ANGPT2: variants seen among roughly 807,000 people sequenced by gnomAD.
The protein encoded by ANGPT2 is angiopoietin 2.
In ANGPT2, 28 loss-of-function variants were observed where a neutral mutation model predicts 62.9. That is an observed-to-expected ratio of 0.44 (90% confidence interval 0.33 to 0.61). The LOEUF (loss-of-function observed/expected upper bound fraction) is 0.61, where lower values mean the gene tolerates loss of function less well. Among genes scored for constraint, ANGPT2 ranks in the 20% least tolerant of loss-of-function variants. ANGPT2 has a pLI of 0.03. For missense variants in ANGPT2, 727 were observed against 594.9 expected (o/e 1.22, Z -2.31); for synonymous variants, 284 against 207.8 (o/e 1.37, Z -3.15).
chr8:6,558,279 A>T (rs1437706671), intron 1 of ANGPT2, among the ~76,000 whole-genome samples: 4 of 152,254 alleles, frequency 2.6e-5, no homozygotes, highest in Non-Finnish European at 5.9e-5. Flanking sequence ...AAGACTGGGG[A>T]AAGAGAATCT....
chr8:6,537,669 G>A (rs1432892847), intron 1 of ANGPT2, among the ~76,000 whole-genome samples: 2 of 151,964 alleles, frequency 1.3e-5, no homozygotes, highest in African/African-American at 2.4e-5. Context: ...AGGTCCATTT[G>A]TGAGGCAACT....
intron 7 of ANGPT2, 96 bp downstream of exon 7, chr8:6,513,582 C>T (rs1242424951): frequency 7.7e-5 from 73 of 943,748 alleles, no homozygotes; most frequent in Non-Finnish European, 4.6e-6. Flanking sequence ...ATCTGCCCAC[C>T]TCGGCCTCCC....
At position 6,514,812 on chromosome 8, in the gene ANGPT2, GC is replaced by G. The variant is rs762403526; in HGVS notation, c.928-35del. 5.1e-6 allele frequency: 8 copies of G among 1,576,794 alleles called. No homozygotes were observed. The African/African-American group carries it at 5.4e-5, about 11-fold the overall frequency. On this transcript the variant is annotated intron_variant, in intron 5 of 8. Coordinates refer to ENST00000629816, the MANE Select transcript of ANGPT2 (RefSeq NM_001118887.2). Reference sequence around the variant, plus strand: ...AGGAATGCAGGGTATAAGTGACAGAGCCCCCCCACTCCCCCCTTACGTAGCA... The same window carrying G: ...AGGAATGCAGGGTATAAGTGACAGAGCCCCCCACTCCCCCCTTACGTAGCA...
chr8:6,536,217 G>A (rs1226519608), intron 1 of ANGPT2, among the ~76,000 whole-genome samples: 1 of 152,132 alleles, frequency 6.6e-6, no homozygotes, highest in East Asian at 1.9e-4. Context: ...ACTAGCGACA[G>A]GAACAGCCAC....
At chr8:6,530,172 C>T (rs1271039497) in intron 2 of ANGPT2, among the ~76,000 whole-genome samples, 1 of 152,022 alleles carries the variant, frequency 6.6e-6, no homozygotes, top group Non-Finnish European at 1.5e-5. Context: ...GTGACTTAAT[C>T]ATTACTAATT....
At chr8:6,509,353 A>G (rs1219092058) in intron 7 of ANGPT2, among the ~76,000 whole-genome samples, 3 of 152,224 alleles carry the variant, frequency 2.0e-5, no homozygotes, top group African/African-American at 7.2e-5. Flanking sequence ...GCTTTCAGAT[A>G]AACAGAAGAG....
intron 2 of ANGPT2, among the ~76,000 whole-genome samples, chr8:6,529,323 C>T (rs953480367): frequency 1.3e-5 from 2 of 152,154 alleles, no homozygotes; most frequent in Non-Finnish European, 2.9e-5. Context: ...AATCTTGCTT[C>T]TAATCAGAAA....
At chr8:6,543,249 C>T (rs900303564) in intron 1 of ANGPT2, among the ~76,000 whole-genome samples, 4 of 152,286 alleles carry the variant, frequency 2.6e-5, no homozygotes, top group East Asian at 3.9e-4. Flanking sequence ...GAAGACTCAG[C>T]GGGAACACAA....
chr8:6,544,502 C>G (rs1477776858), intron 1 of ANGPT2, among the ~76,000 whole-genome samples: 1 of 152,096 alleles, frequency 6.6e-6, no homozygotes, highest in Non-Finnish European at 1.5e-5. Flanking sequence ...CTGTTTTTTA[C>G]AAAATACCAG....
intron 2 of ANGPT2, among the ~76,000 whole-genome samples, chr8:6,527,988 C>T (rs768237049): frequency 3.3e-5 from 5 of 151,714 alleles, no homozygotes; most frequent in Non-Finnish European, 7.4e-5. Context: ...CTCCGCCTCC[C>T]GGGTTCAAGC....
intron 3 of ANGPT2, among the ~76,000 whole-genome samples, chr8:6,526,420 G>A (rs896593648): frequency 1.3e-5 from 2 of 151,750 alleles, no homozygotes; most frequent in Admixed American, 1.3e-4. Flanking sequence ...GGCAACCAGA[G>A]TGAGACCCTG....
At chr8:6,531,504 C>T (rs796439124) in intron 2 of ANGPT2, among the ~76,000 whole-genome samples, 10 of 152,174 alleles carry the variant, frequency 6.6e-5, no homozygotes, top group African/African-American at 2.2e-4. Context: ...GTTGGCCAGG[C>T]TGGTCTCGAA....
At chr8:6,532,275 A>T (rs1407752116) in intron 2 of ANGPT2, 57 bp downstream of exon 2, 2 of 1,601,320 alleles carry the variant, frequency 1.2e-6, no homozygotes, top group East Asian at 2.3e-5. Flanking sequence ...TCCTGACGCG[A>T]CTGAGTGCTA....
intron 8 of ANGPT2, among the ~76,000 whole-genome samples, chr8:6,506,338 G>T (rs554835760): frequency 9.2e-5 from 14 of 151,920 alleles, no homozygotes; most frequent in Non-Finnish European, 1.5e-4. Flanking sequence ...CCTCTTCACA[G>T]GCAAGACCAC....
At chr8:6,510,071 CA>C (rs1370588357) in intron 7 of ANGPT2, among the ~76,000 whole-genome samples, 3 of 151,880 alleles carry the variant, frequency 2.0e-5, no homozygotes, top group African/African-American at 7.3e-5. Context: ...AGCTGAATTG[CA>C]AAAATACGGC....
At position 6,521,311 on chromosome 8, in the gene ANGPT2, C is replaced by G. The variant is rs1817294424; in HGVS notation, c.666G>C (p.Lys222Asn). 6.2e-7 allele frequency: 1 copy of G among 1,613,634 alleles called. No individual in the cohort carries two copies. Among genetic ancestry groups the G allele is most frequent in the African/African-American group, 1.3e-5 (1 of 74,874 alleles). ...EKDQLQVLVSKQNSIIEELEK... is the reference protein window; with the variant it reads ...EKDQLQVLVSNQNSIIEELEK... ...CTAGTTCTTCAATGATGGAATTTTG[C>G]TTGGATACTAACACCTGTAGCTGAT... Residue 222 changes from lysine to asparagine, a missense_variant, in exon 4 of 9, where the codon AAG (lysine) becomes AAC (asparagine). By Grantham distance (94) the Lys-to-Asn change is moderately conservative. Transcript: ENST00000629816.
At chr8:6,539,000 C>T (rs895349019) in intron 1 of ANGPT2, among the ~76,000 whole-genome samples, 1 of 150,490 alleles carries the variant, frequency 6.6e-6, no homozygotes, top group Non-Finnish European at 1.5e-5. Flanking sequence ...CAAAACTGGG[C>T]TCTCCTCCCC....
chr8:6,526,630 A>C (rs1427049679), intron 3 of ANGPT2, among the ~76,000 whole-genome samples: 1 of 152,234 alleles, frequency 6.6e-6, no homozygotes, highest in Non-Finnish European at 1.5e-5. Context: ...GGACAGAAAG[A>C]ATTATTTCAG....
Position 6,501,848 on chromosome 8 carries a change from G to T in ANGPT2, c.*1253C>A, listed in dbSNP as rs991827675. Reference sequence around the variant, plus strand: ...TGGGATTATAGGTGTGAGCCACTGCGCCCAGCCCTGTGTTCTCAAATTTTT... The same window carrying T: ...TGGGATTATAGGTGTGAGCCACTGCTCCCAGCCCTGTGTTCTCAAATTTTT... On this transcript the variant is annotated 3_prime_UTR_variant, in exon 9 of 9. Coordinates refer to ENST00000629816, the MANE Select transcript of ANGPT2 (RefSeq NM_001118887.2). 6.6e-6 allele frequency: 1 copy of T among 151,396 alleles called. No homozygotes were observed. Among genetic ancestry groups the T allele is most frequent in the African/African-American group, 2.4e-5 (1 of 41,266 alleles). 9.4% of individuals were successfully genotyped at this position (151,396 alleles called of 1,614,324 possible). A position where few individuals can be genotyped will look rare whatever the true frequency, so the allele number is the denominator to read the frequency against.
Sources: allele counts gnomAD v4.1 joint callset (sites outside exome capture counted in the v4.1 genomes callset), GRCh38; gene constraint gnomAD v4.1.1; transcripts MANE v1.5; gene names NCBI Gene and HGNC (gene_info 2026-07-23, HGNC 2026-07-21).